PTPN2: variants seen among roughly 807,000 people sequenced by gnomAD.
The protein encoded by PTPN2 is tyrosine-protein phosphatase non-receptor type 2.
A neutral mutation model predicts 57.3 loss-of-function variants in PTPN2; 19 were observed. The observed-to-expected ratio is 0.33, with a 90% confidence interval of 0.23 to 0.49. PTPN2 has a LOEUF of 0.49. Among genes scored for constraint, PTPN2 ranks in the 20% least tolerant of loss-of-function variants. The pLI is 0.99. For synonymous variants in PTPN2, 153 were observed against 164.9 expected, an observed-to-expected ratio of 0.93 and a Z score of 0.55; for missense variants, 358 against 501.1, an observed-to-expected ratio of 0.71 and a Z score of 2.73.
intron 5 of PTPN2, among the ~76,000 whole-genome samples, chr18:12,820,696 C>A (rs980972914): frequency 1.3e-5 from 2 of 152,206 alleles, no homozygotes; most frequent in African/African-American, 4.8e-5. Flanking sequence ...TGCTTCACCC[C>A]CCTCCCTACA....
At chr18:12,802,593 T>C (rs1418226670) in intron 7 of PTPN2, among the ~76,000 whole-genome samples, 4 of 152,014 alleles carry the variant, frequency 2.6e-5, no homozygotes, top group Admixed American at 6.6e-5. Context: ...AAGTCAGACA[T>C]AGAGAATTCT....
chr18:12,835,984 A>G (rs554550978), intron 3 of PTPN2, among the ~76,000 whole-genome samples: 13 of 152,304 alleles, frequency 8.5e-5, no homozygotes, highest in African/African-American at 2.4e-4. Flanking sequence ...ACGTAGTATA[A>G]TAGCTCATAG....
At chr18:12,824,130 A>T (rs1417453184) in intron 5 of PTPN2, among the ~76,000 whole-genome samples, 1 of 152,212 alleles carries the variant, frequency 6.6e-6, no homozygotes, top group Admixed American at 6.5e-5. Flanking sequence ...AGTATCAAAG[A>T]GTTATTGATG....
At chr18:12,842,800 A>G (rs2043086813) in intron 2 of PTPN2, among the ~76,000 whole-genome samples, 1 of 152,208 alleles carries the variant, frequency 6.6e-6, no homozygotes, top group Non-Finnish European at 1.5e-5. Context: ...TACCTAGTAG[A>G]GTGTCATAAC....
intron 9 of PTPN2, chr18:12,786,767 C>A (rs1401192054): frequency 6.6e-6 from 1 of 152,210 alleles, no homozygotes; most frequent in African/African-American, 2.4e-5. Flanking sequence ...AATTAGGCTA[C>A]TCCCTTTAAA....
Position 12,843,148 on chromosome 18 carries a change from C to T in PTPN2, c.161-6257G>A, listed in dbSNP as rs142414425. ...CTCTACCAACCTACATGATTCCAGACGTAGTCATGATTTCCCAGAAAAGGG... is the reference window on the plus strand; with the variant it reads ...CTCTACCAACCTACATGATTCCAGATGTAGTCATGATTTCCCAGAAAAGGG... On this transcript the variant is annotated intron_variant, in intron 2 of 8. Coordinates refer to ENST00000309660, the MANE Select transcript of PTPN2 (RefSeq NM_002828.4). 4.4e-3 allele frequency among the ~76,000 whole-genome samples: 666 copies of T among 152,166 alleles called. 4 individuals are homozygous for T. Among genetic ancestry groups the T allele is most frequent in the African/African-American group, 0.015 (626 of 41,502 alleles).
At chr18:12,874,907 C>T (rs908050565) in intron 1 of PTPN2, among the ~76,000 whole-genome samples, 6 of 152,112 alleles carry the variant, frequency 3.9e-5, no homozygotes, top group East Asian at 1.9e-4. Flanking sequence ...GGATGGTTGC[C>T]GTGTCTGTGT....
chr18:12,846,590 T>A (rs1379303283), intron 2 of PTPN2, among the ~76,000 whole-genome samples: 1 of 152,230 alleles, frequency 6.6e-6, no homozygotes, highest in Non-Finnish European at 1.5e-5. Flanking sequence ...GTTCTGTCAC[T>A]ACAAGACATT....
chr18:12,838,112 C>G (rs2042928603), intron 2 of PTPN2, among the ~76,000 whole-genome samples: 1 of 151,602 alleles, frequency 6.6e-6, no homozygotes, highest in Non-Finnish European at 1.5e-5. Context: ...GACAACATAC[C>G]AAAAAAAGAA....
intron 1 of PTPN2, among the ~76,000 whole-genome samples, chr18:12,867,190 G>A (rs968283907): frequency 6.6e-6 from 1 of 151,954 alleles, no homozygotes; most frequent in Non-Finnish European, 1.5e-5. Flanking sequence ...GTAGTGATGC[G>A]TGCCTGCAGT....
At chr18:12,846,691 G>A (rs1411674957) in intron 2 of PTPN2, among the ~76,000 whole-genome samples, 1 of 152,160 alleles carries the variant, frequency 6.6e-6, no homozygotes, top group Non-Finnish European at 1.5e-5. Flanking sequence ...ATAAAATTTG[G>A]TATCAAAAGC....
chr18:12,831,055 GGA>G lies in PTPN2; in HGVS notation c.262-16_262-15del. ...AGGAAGTGGACCCTGTGAAGAGAGA[GGA>G]GAGAGAGCAGATGAGGGAAGCAGAC... is the stretch of plus-strand genomic sequence containing the variant. On this transcript the variant is annotated splice_polypyrimidine_tract_variant and intron_variant, in intron 3 of 8. Transcript: ENST00000309660. 4 of 1,559,418 alleles carry G rather than the reference GGA, an allele frequency of 2.6e-6. No individual in the cohort carries two copies. Among genetic ancestry groups the G allele is most frequent in the Non-Finnish European group, 3.5e-6 (4 of 1,131,436 alleles).
chr18:12,869,592 T>C (rs749055567), intron 1 of PTPN2, among the ~76,000 whole-genome samples: 10 of 152,250 alleles, frequency 6.6e-5, no homozygotes, highest in Non-Finnish European at 1.3e-4. Flanking sequence ...CTTTGTTCTA[T>C]GTATGGCATA....
intron 4 of PTPN2, among the ~76,000 whole-genome samples, chr18:12,826,376 C>G (rs2042459612): frequency 6.6e-6 from 1 of 152,098 alleles, no homozygotes; most frequent in South Asian, 2.1e-4. Context: ...GCACTCCAGT[C>G]TGGGTGACAG....
At chr18:12,869,453 G>A (rs1017676170) in intron 1 of PTPN2, among the ~76,000 whole-genome samples, 1 of 152,176 alleles carries the variant, frequency 6.6e-6, no homozygotes, top group East Asian at 1.9e-4. Flanking sequence ...GAGCCATGGC[G>A]CCTGGTTTTG....
downstream of PTPN2, chr18:12,788,113 T>C (rs1344158837): frequency 1.9e-5 from 3 of 154,822 alleles, no homozygotes; most frequent in East Asian, 1.9e-4. Flanking sequence ...CTGAAGTTTT[T>C]AACAGCAGAA....
intron 1 of PTPN2, among the ~76,000 whole-genome samples, chr18:12,881,200 C>T (rs1466018515): frequency 1.3e-5 from 2 of 152,080 alleles, no homozygotes; most frequent in African/African-American, 2.4e-5. Context: ...TTTGAGAGGC[C>T]GAGGCAGGCG....
At chr18:12,883,994 G>A (rs2044767951) in intron 1 of PTPN2, 79 bp downstream of exon 1, 1 of 1,299,612 alleles carries the variant, frequency 7.7e-7, no homozygotes, top group Non-Finnish European at 1.1e-6. Context: ...GGCGGGGGAG[G>A]CGGGAGGGAC....
At chr18:12,810,068 G>C (rs1446861953) in intron 7 of PTPN2, among the ~76,000 whole-genome samples, 2 of 152,196 alleles carry the variant, frequency 1.3e-5, no homozygotes, top group Non-Finnish European at 2.9e-5. Context: ...TGTAATCCCA[G>C]TTACTTGGGA....
Sources: allele counts gnomAD v4.1 joint callset (sites outside exome capture counted in the v4.1 genomes callset), GRCh38; gene constraint gnomAD v4.1.1; transcripts MANE v1.5; gene names NCBI Gene and HGNC (gene_info 2026-07-23, HGNC 2026-07-21).